The following CYB5R4 variants were observed in gnomAD, a reference collection of about 807,000 sequenced individuals.
CYB5R4 encodes cytochrome b5 reductase 4, also known as N-terminal cytochrome b5 and cytochrome b5 oxidoreductase domain-containing protein.
Under a neutral mutation model 70.2 loss-of-function variants are expected in CYB5R4, and 55 were observed. The ratio of observed to expected loss-of-function variants is 0.78; its 90% CI spans 0.63 to 0.98. The LOEUF (loss-of-function observed/expected upper bound fraction) is 0.98. Ranked by LOEUF, CYB5R4 falls within the 50% of genes least tolerant of loss-of-function variation. The pLI, the probability that CYB5R4 is intolerant of heterozygous loss-of-function variation, is 0.00. For synonymous variants in CYB5R4, 197 were observed against 199.5 expected (o/e 0.99, Z 0.11); for missense variants, 562 against 612.6 (o/e 0.92, Z 0.87).
intron 10 of CYB5R4, among the ~76,000 whole-genome samples, chr6:83,927,185 C>A (rs2099467429): frequency 6.6e-6 from 1 of 152,148 alleles, no homozygotes; most frequent in African/African-American, 2.4e-5. Flanking sequence ...AGTTTATCTT[C>A]TTTAAATATG....
At chr6:83,941,706 T>C (rs1431284681) in intron 14 of CYB5R4, among the ~76,000 whole-genome samples, 1 of 152,264 alleles carries the variant, frequency 6.6e-6, no homozygotes, top group African/African-American at 2.4e-5. Flanking sequence ...TTATTTATCC[T>C]TGAAGTATTT....
At chr6:83,887,319 C>T (rs1169706296) in intron 2 of CYB5R4, among the ~76,000 whole-genome samples, 1 of 152,116 alleles carries the variant, frequency 6.6e-6, no homozygotes, top group Non-Finnish European at 1.5e-5. Context: ...GTCTTTAAGA[C>T]TATCATTCTG....
chr6:83,918,134 T>C, intron 6 of CYB5R4, 69 bp downstream of exon 6: 1 of 1,193,452 alleles, frequency 8.4e-7, no homozygotes, highest in African/African-American at 1.5e-5. Flanking sequence ...ATTTAAAAAA[T>C]AAAGTAGCTC....
chr6:83,934,759 A>C, intron 11 of CYB5R4, 24 bp downstream of exon 11: 8 of 1,592,076 alleles, frequency 5.0e-6, no homozygotes, highest in Non-Finnish European at 6.8e-6. Flanking sequence ...AGGCTTTGGG[A>C]CACAATTTAT....
intron 2 of CYB5R4, among the ~76,000 whole-genome samples, chr6:83,880,077 C>A (rs2099459219): frequency 6.6e-6 from 1 of 152,090 alleles, no homozygotes; most frequent in Non-Finnish European, 1.5e-5. Flanking sequence ...TTTCTTGTGG[C>A]CTTCTACTGT....
At position 83,966,953 on chromosome 6, in the gene CYB5R4, A is replaced by C. The variant is rs2099474184; in HGVS notation, c.*7075A>C. ...TAAAATTACTGAACCATGAAAAGTA[A>C]ATGCCTTTAGTTATCTAAACAAAAA... On this transcript the variant is annotated 3_prime_UTR_variant, in exon 16 of 16. Coordinates refer to ENST00000369681, the MANE Select transcript of CYB5R4 (RefSeq NM_016230.4). 1 of 152,206 alleles carries C rather than the reference A, an allele frequency of 6.6e-6. No individual in the cohort carries two copies. Among genetic ancestry groups the C allele is most frequent in the Non-Finnish European group, 1.5e-5 (1 of 68,040 alleles). The allele number at this position is 152,206 out of a possible 1,614,324, so 9.4% of individuals were successfully genotyped here.
intron 3 of CYB5R4, among the ~76,000 whole-genome samples, chr6:83,907,297 A>C (rs947502131): frequency 6.6e-6 from 1 of 152,202 alleles, no homozygotes; most frequent in Non-Finnish European, 1.5e-5. Flanking sequence ...GCCTTGCAGA[A>C]AGGTTGTTTA....
intron 3 of CYB5R4, among the ~76,000 whole-genome samples, chr6:83,904,917 C>A (rs142839424): frequency 6.6e-6 from 1 of 152,010 alleles, no homozygotes; most frequent in South Asian, 2.1e-4. Flanking sequence ...TGATCTGTTG[C>A]CAGAGAATTA....
chr6:83,874,520 T>A (rs1437101545), intron 2 of CYB5R4, among the ~76,000 whole-genome samples: 14 of 128,846 alleles, frequency 1.1e-4, no homozygotes, highest in Non-Finnish European at 1.7e-4. Context: ...TTCTCAGACC[T>A]TTTTTTTTTT....
intron 14 of CYB5R4, among the ~76,000 whole-genome samples, chr6:83,947,588 T>C (rs935557035): frequency 6.6e-6 from 1 of 152,020 alleles, no homozygotes; most frequent in African/African-American, 2.4e-5. Flanking sequence ...CAAAATAAAT[T>C]ATCGTCAGAG....
chr6:83,904,815 GT>G (rs1265318578), intron 3 of CYB5R4, among the ~76,000 whole-genome samples: 1 of 151,912 alleles, frequency 6.6e-6, no homozygotes, highest in Non-Finnish European at 1.5e-5. Flanking sequence ...TTTTTGTATT[GT>G]TTTTTATAAT....
chr6:83,945,379 CAA>C, intron 14 of CYB5R4, among the ~76,000 whole-genome samples: 1 of 152,174 alleles, frequency 6.6e-6, no homozygotes, highest in Non-Finnish European at 1.5e-5. Context: ...CCAATGAGAA[CAA>C]AGACACAACG....
intron 8 of CYB5R4, among the ~76,000 whole-genome samples, chr6:83,921,912 C>T (rs1433798393): frequency 3.9e-5 from 6 of 152,216 alleles, no homozygotes; most frequent in African/African-American, 2.4e-5. Context: ...AGAAATGTTT[C>T]TGTCTTATTA....
At chr6:83,948,638 T>G (rs2099471033) in intron 14 of CYB5R4, among the ~76,000 whole-genome samples, 1 of 152,224 alleles carries the variant, frequency 6.6e-6, no homozygotes, top group African/African-American at 2.4e-5. Context: ...TTGTAAAATT[T>G]TATTTTTTTA....
At chr6:83,925,580 G>A (rs2099467148) in intron 10 of CYB5R4, among the ~76,000 whole-genome samples, 2 of 152,030 alleles carry the variant, frequency 1.3e-5, no homozygotes, top group African/African-American at 4.8e-5. Context: ...TTTTCTCTTT[G>A]GAAATTGGTA....
At chr6:83,940,235 C>T (rs1173903787) in intron 13 of CYB5R4, 29 bp downstream of exon 13, 18 of 1,570,750 alleles carry the variant, frequency 1.1e-5, no homozygotes, top group Non-Finnish European at 1.4e-5. Context: ...AATTACGATC[C>T]TTTTTGAGGC....
chr6:83,943,110 T>A (rs1032626731), intron 14 of CYB5R4, among the ~76,000 whole-genome samples: 3 of 152,168 alleles, frequency 2.0e-5, no homozygotes, highest in African/African-American at 7.2e-5. Flanking sequence ...GCTCGAGCTC[T>A]GCTAAGTGAC....
At chr6:83,910,066 A>G (rs1001141146) in intron 4 of CYB5R4, 2 of 1,612,660 alleles carry the variant, frequency 1.2e-6, no homozygotes, top group Non-Finnish European at 1.7e-6. Flanking sequence ...GGTTCATCCT[A>G]GGCAAACTCT....
In CYB5R4 at chr6:83,929,645, G is replaced by C. The variant is rs567207099; in HGVS notation, c.815-4950G>C. On this transcript the variant is annotated intron_variant, in intron 10 of 15. Coordinates refer to ENST00000369681, the MANE Select transcript of CYB5R4 (RefSeq NM_016230.4). The stretch of plus-strand genomic sequence containing the variant: ...GGTGTGTGGGAGAAAGAGGCAGGGG[G>C]AGAGAAAGCTATAGAGAAAGAGATG... 2.6e-5 allele frequency: 4 copies of C among 151,844 alleles called. 1 individual carries two copies. The highest frequency in any genetic ancestry group is 9.7e-5 in the African/African-American group (4 of 41,378). The allele number at this position is 151,844 out of a possible 1,614,324, so 9.4% of individuals were successfully genotyped here. A position where few individuals can be genotyped will look rare whatever the true frequency, so the allele number is the denominator to read the frequency against.
Sources: gnomAD v4.1 joint callset for allele counts (sites outside exome capture counted in the v4.1 genomes callset) on GRCh38, gnomAD v4.1.1 for gene constraint, MANE v1.5 for transcripts, NCBI Gene and HGNC (gene_info 2026-07-23, HGNC 2026-07-21) for gene names.